FAM163A: variants seen among roughly 807,000 people sequenced by gnomAD.
FAM163A encodes the protein family with sequence similarity 163 member A, also known as protein FAM163A.
In FAM163A, 7 loss-of-function variants were observed where a neutral mutation model predicts 12.0. That is an observed-to-expected ratio of 0.58 (90% confidence interval 0.33 to 1.10). The LOEUF (loss-of-function observed/expected upper bound fraction) is 1.10, where lower values mean the gene tolerates loss of function less well. Among genes scored for constraint, FAM163A ranks in the 50% least tolerant of loss-of-function variants. FAM163A has a pLI of 0.03. For synonymous variants in FAM163A, 101 were observed against 91.0 expected, an observed-to-expected ratio of 1.11 and a Z score of -0.62; for missense variants, 202 against 218.6, an observed-to-expected ratio of 0.92 and a Z score of 0.48.
At chr1:179,795,957 T>TTTATTATTATTATTA (rs1557958055) in intron 1 of FAM163A, among the ~76,000 whole-genome samples, 2 of 77,860 alleles carry the variant, frequency 2.6e-5, no homozygotes, top group African/African-American at 1.6e-4. Context: ...GGAGTCTTTC[T>TTTATTATTATTATTA]CTATTATTAT....
chr1:179,806,440 G>A (rs184715611), intron 1 of FAM163A, among the ~76,000 whole-genome samples: 113 of 152,238 alleles, frequency 7.4e-4, no homozygotes, highest in Admixed American at 3.9e-3. Flanking sequence ...GTGATACGGG[G>A]ACAGGGCTGT....
intron 1 of FAM163A, among the ~76,000 whole-genome samples, chr1:179,753,793 C>G (rs182411467): frequency 6.6e-6 from 1 of 151,996 alleles, no homozygotes; most frequent in Admixed American, 6.6e-5. Flanking sequence ...GAGAAAGACT[C>G]GGTGAAGAGA....
At position 179,813,156 on chromosome 1, in the gene FAM163A, G is replaced by T; in HGVS notation, c.59G>T (p.Cys20Phe). Residue 20 changes from cysteine to phenylalanine, a missense_variant, in exon 4 of 5, where the codon TGC becomes TTC. Cys to Phe is a radical substitution (Grantham distance 205, BLOSUM62 -2). Transcript: ENST00000341785. ...GGILATVILL[C>F]IIAVLCYCRL... The stretch of plus-strand genomic sequence containing the variant: ...ATCCTAGCTACGGTGATCCTCCTCT[G>T]CATCATTGCCGTCCTGTGCTACTGC... 1.9e-6 allele frequency: 3 copies of T among 1,551,936 alleles called. No individual in the cohort carries two copies. Among genetic ancestry groups the T allele is most frequent in the Middle Eastern group, 1.7e-4 (1 of 5,992 alleles).
chr1:179,795,726 G>C (rs1027325521), intron 1 of FAM163A, among the ~76,000 whole-genome samples: 1 of 152,116 alleles, frequency 6.6e-6, no homozygotes, highest in East Asian at 1.9e-4. Flanking sequence ...AGGCTGAATC[G>C]GGCTCAATAG....
At chr1:179,773,972 AG>A (rs1439091848) in intron 1 of FAM163A, among the ~76,000 whole-genome samples, 1 of 152,242 alleles carries the variant, frequency 6.6e-6, no homozygotes, top group Non-Finnish European at 1.5e-5. Context: ...TGAGACCTGC[AG>A]GTTGCTGTAG....
the FAM163A span, among the ~76,000 whole-genome samples, chr1:179,731,815 A>G: frequency 6.6e-6 from 1 of 152,258 alleles, no homozygotes; most frequent in Non-Finnish European, 1.5e-5. Context: ...CAAATATTAC[A>G]TCATTGTAAA....
chr1:179,770,984 A>C lies in FAM163A; in HGVS notation c.-136+27561A>C, dbSNP rs148598957. ...CTGTGCCTTCAAAGTCATCCCACAA[A>C]TGTTCCCTGGTCTGATTATCACTGA... On this transcript the variant is annotated intron_variant, in intron 1 of 4. Transcript: ENST00000341785. 2.0e-5 allele frequency among the ~76,000 whole-genome samples: 3 copies of C among 152,248 alleles called. No homozygotes were observed. In the East Asian group the frequency reaches 5.8e-4, roughly 29 times the overall value.
intron 4 of FAM163A, 143 bp from the exon 5 acceptor site, chr1:179,813,636 C>T (rs1006655719): frequency 2.2e-6 from 2 of 902,716 alleles, no homozygotes; most frequent in Non-Finnish European, 1.7e-6. Context: ...GGATTAGAAA[C>T]TTGTGGAGCA....
the FAM163A span, among the ~76,000 whole-genome samples, chr1:179,729,119 C>A: frequency 6.6e-6 from 1 of 152,132 alleles, no homozygotes; most frequent in Admixed American, 6.5e-5. Context: ...GGACTTCTTG[C>A]CTCTCAAAGT....
intron 1 of FAM163A, among the ~76,000 whole-genome samples, chr1:179,763,737 C>A (rs1053891613): frequency 2.0e-5 from 3 of 152,158 alleles, no homozygotes; most frequent in African/African-American, 7.2e-5. Flanking sequence ...TATAGCAAGT[C>A]CCATTTTACA....
At chr1:179,760,017 T>C (rs1466259444) in intron 1 of FAM163A, among the ~76,000 whole-genome samples, 3 of 152,180 alleles carry the variant, frequency 2.0e-5, no homozygotes, top group Non-Finnish European at 4.4e-5. Flanking sequence ...AATCCAAATG[T>C]TCGTGCAGTG....
At chr1:179,798,416 T>C (rs1692682532) in intron 1 of FAM163A, among the ~76,000 whole-genome samples, 1 of 152,176 alleles carries the variant, frequency 6.6e-6, no homozygotes, top group African/African-American at 2.4e-5. Context: ...TCCTCTTGTT[T>C]CAGGAGCTGC....
chr1:179,768,526 G>A (rs1371365970), intron 1 of FAM163A, among the ~76,000 whole-genome samples: 2 of 152,180 alleles, frequency 1.3e-5, no homozygotes, highest in Non-Finnish European at 2.9e-5. Context: ...ATGGTGGCTG[G>A]GCTAGTCCTG....
intron 1 of FAM163A, among the ~76,000 whole-genome samples, chr1:179,761,264 C>A (rs780158066): frequency 6.6e-6 from 1 of 152,154 alleles, no homozygotes; most frequent in African/African-American, 2.4e-5. Flanking sequence ...TTATCTTTTA[C>A]GTAATTTAAC....
At chr1:179,728,535 T>C in the FAM163A span, among the ~76,000 whole-genome samples, 1 of 152,156 alleles carries the variant, frequency 6.6e-6, no homozygotes, top group Non-Finnish European at 1.5e-5. Context: ...ATTTTGATTA[T>C]AGCACAGATG....
chr1:179,779,859 A>G (rs1689485424), intron 1 of FAM163A, among the ~76,000 whole-genome samples: 1 of 152,234 alleles, frequency 6.6e-6, no homozygotes, highest in Non-Finnish European at 1.5e-5. Context: ...TCTTGGGCAA[A>G]TCACCTCAGT....
intron 1 of FAM163A, among the ~76,000 whole-genome samples, chr1:179,761,911 C>T (rs1330372779): frequency 2.0e-5 from 3 of 152,082 alleles, no homozygotes; most frequent in African/African-American, 7.2e-5. Context: ...GAATTATTCC[C>T]ATTTTAGAGC....
intron 1 of FAM163A, among the ~76,000 whole-genome samples, chr1:179,807,292 T>C (rs551094400): frequency 6.6e-6 from 1 of 152,140 alleles, no homozygotes; most frequent in South Asian, 2.1e-4. Context: ...TTTGGCCTGA[T>C]AGAAGTCAGG....
chr1:179,796,467 A>G (rs1255837011), intron 1 of FAM163A, among the ~76,000 whole-genome samples: 2 of 152,180 alleles, frequency 1.3e-5, no homozygotes, highest in African/African-American at 2.4e-5. Flanking sequence ...TTCATTCATA[A>G]CATATTGTTA....
Sources: allele counts gnomAD v4.1 joint callset (sites outside exome capture counted in the v4.1 genomes callset), GRCh38; gene constraint gnomAD v4.1.1; transcripts MANE v1.5; gene names NCBI Gene and HGNC (gene_info 2026-07-23, HGNC 2026-07-21).